The following SNTG1 variants were observed in gnomAD, a reference collection of about 807,000 sequenced individuals.
SNTG1 encodes the protein gamma-1-syntrophin.
A neutral mutation model predicts 74.7 loss-of-function variants in SNTG1; 39 were observed. That is an observed-to-expected ratio of 0.52 (90% CI 0.40 to 0.68). SNTG1 has a LOEUF of 0.68. Ranked by LOEUF, SNTG1 falls within the 30% of genes least tolerant of loss-of-function variation. SNTG1 has a pLI of 0.00. For missense variants in SNTG1, 685 were observed against 609.5 expected, an observed-to-expected ratio of 1.12 and a Z score of -1.30; for synonymous variants, 254 against 217.1, an observed-to-expected ratio of 1.17 and a Z score of -1.49.
chr8:50,665,666 G>T (rs1423928605), intron 15 of SNTG1, among the ~76,000 whole-genome samples: 1 of 152,152 alleles, frequency 6.6e-6, no homozygotes, highest in African/African-American at 2.4e-5. Flanking sequence ...TTCAGAGAAT[G>T]ATGGAGATAG....
intron 15 of SNTG1, among the ~76,000 whole-genome samples, chr8:50,670,168 C>T (rs1374357942): frequency 6.6e-6 from 1 of 152,152 alleles, no homozygotes; most frequent in African/African-American, 2.4e-5. Flanking sequence ...TCCTATTCAA[C>T]ATAGTGTTGG....
intron 2 of SNTG1, among the ~76,000 whole-genome samples, chr8:50,342,573 A>ATAGATG (rs1188283264): frequency 1.3e-5 from 2 of 152,202 alleles, no homozygotes; most frequent in Non-Finnish European, 2.9e-5. Flanking sequence ...TTTAAAACAC[A>ATAGATG]TCTATTGTGT....
At chr8:49,983,531 T>G (rs1585765838) in intron 1 of SNTG1, among the ~76,000 whole-genome samples, 2 of 152,302 alleles carry the variant, frequency 1.3e-5, no homozygotes, top group Non-Finnish European at 2.9e-5. Flanking sequence ...ATTGAGAAAT[T>G]TATGAGATCA....
chr8:50,711,636 T>C (rs2095461927), intron 17 of SNTG1, among the ~76,000 whole-genome samples: 1 of 152,178 alleles, frequency 6.6e-6, no homozygotes, highest in African/African-American at 2.4e-5. Flanking sequence ...TGTCTGGGAA[T>C]GTCGAGCTAA....
At chr8:49,935,003 A>G (rs1023180455) in intron 1 of SNTG1, among the ~76,000 whole-genome samples, 7 of 152,238 alleles carry the variant, frequency 4.6e-5, no homozygotes, top group Admixed American at 2.0e-4. Context: ...ATCAATGCCA[A>G]TGCTGATTTA....
chr8:50,584,711 A>T (rs142465929), intron 12 of SNTG1, among the ~76,000 whole-genome samples: 105 of 152,052 alleles, frequency 6.9e-4, no homozygotes, highest in South Asian at 2.7e-3. Context: ...CTGGAAAGAA[A>T]CTTGATTGCT....
intron 2 of SNTG1, among the ~76,000 whole-genome samples, chr8:50,279,294 T>C (rs898924928): frequency 3.9e-5 from 6 of 152,144 alleles, no homozygotes; most frequent in Admixed American, 1.3e-4. Context: ...TTGAGAAAAC[T>C]CTTTTAAAGA....
intron 1 of SNTG1, among the ~76,000 whole-genome samples, chr8:49,976,823 C>G (rs1812236647): frequency 6.6e-6 from 1 of 152,058 alleles, no homozygotes; most frequent in South Asian, 2.1e-4. Context: ...CAATGGGAAG[C>G]CACCACCATA....
At chr8:50,484,773 C>A (rs1200584895) in intron 8 of SNTG1, among the ~76,000 whole-genome samples, 1 of 151,290 alleles carries the variant, frequency 6.6e-6, no homozygotes, top group Non-Finnish European at 1.5e-5. Flanking sequence ...ACAGGGGAAT[C>A]GCTTGAACTC....
intron 2 of SNTG1, among the ~76,000 whole-genome samples, chr8:50,192,620 A>G (rs1314534406): frequency 6.6e-6 from 1 of 151,150 alleles, no homozygotes; most frequent in East Asian, 1.9e-4. Context: ...TATTCTGCTG[A>G]CATTCCTTTT....
intron 2 of SNTG1, among the ~76,000 whole-genome samples, chr8:50,202,049 G>T (rs1306866064): frequency 6.6e-6 from 1 of 152,048 alleles, no homozygotes; most frequent in African/African-American, 2.4e-5. Context: ...TTTGCATTTA[G>T]CCTTATAGAC....
chr8:49,949,650 C>A (rs762949371), intron 1 of SNTG1, among the ~76,000 whole-genome samples: 21 of 152,140 alleles, frequency 1.4e-4, no homozygotes, highest in Non-Finnish European at 2.5e-4. Context: ...ATATTTAGAT[C>A]TTTCTTGTGA....
At chr8:50,790,442 G>T (rs1260468925) in intron 18 of SNTG1, among the ~76,000 whole-genome samples, 1 of 151,878 alleles carries the variant, frequency 6.6e-6, no homozygotes, top group Non-Finnish European at 1.5e-5. Context: ...GTAAGTCTGT[G>T]ACTTGGTGGA....
chr8:50,216,665 T>A (rs984724354), intron 2 of SNTG1, among the ~76,000 whole-genome samples: 3 of 152,158 alleles, frequency 2.0e-5, no homozygotes, highest in Non-Finnish European at 4.4e-5. Flanking sequence ...ATTACAACTT[T>A]GTTGGCAATT....
intron 2 of SNTG1, among the ~76,000 whole-genome samples, chr8:50,352,333 C>T (rs2091686750): frequency 6.6e-6 from 1 of 151,998 alleles, no homozygotes. Flanking sequence ...CCTGGGATCC[C>T]CCAGGAAGCA....
intron 1 of SNTG1, among the ~76,000 whole-genome samples, chr8:50,117,340 C>T (rs924517330): frequency 3.9e-5 from 6 of 152,042 alleles, no homozygotes; most frequent in Admixed American, 2.6e-4. Flanking sequence ...ACAGGCTATG[C>T]TTGTTTATCC....
chr8:50,670,125 C>G (rs2095272562), intron 15 of SNTG1, among the ~76,000 whole-genome samples: 1 of 152,186 alleles, frequency 6.6e-6, no homozygotes, highest in South Asian at 2.1e-4. Context: ...CCTTTGAAAA[C>G]TGGCACAAGA....
intron 9 of SNTG1, among the ~76,000 whole-genome samples, chr8:50,521,734 A>G (rs1446810495): frequency 1.3e-5 from 2 of 152,186 alleles, no homozygotes; most frequent in Non-Finnish European, 2.9e-5. Flanking sequence ...TAATATTCTA[A>G]ATACTTTATT....
Position 49,942,038 on chromosome 8 carries a change from T to A in SNTG1, c.-103+29807T>A, listed in dbSNP as rs568521722. ...GTACACAAATAATTAGAGATAAATATAGCTCAAAAAGACAAAAGGGAGGAA... is the reference window on the plus strand; with the variant it reads ...GTACACAAATAATTAGAGATAAATAAAGCTCAAAAAGACAAAAGGGAGGAA... On this transcript the variant is annotated intron_variant, in intron 1 of 18. Transcript: ENST00000642720. Among the ~76,000 whole-genome samples, 66 of 152,250 alleles carry A rather than the reference T, an allele frequency of 4.3e-4. 1 individual carries two copies. In the South Asian group the frequency reaches 0.013, roughly 31 times the overall value.
Sources: allele counts gnomAD v4.1 joint callset (sites outside exome capture counted in the v4.1 genomes callset), GRCh38; gene constraint gnomAD v4.1.1; transcripts MANE v1.5; gene names NCBI Gene and HGNC (gene_info 2026-07-23, HGNC 2026-07-21).